The following KIF11 variants were observed in gnomAD, a reference collection of about 807,000 sequenced individuals.
The protein encoded by KIF11 is kinesin-like protein KIF11.
A neutral mutation model predicts 121.0 loss-of-function variants in KIF11; 9 were observed. That is an observed-to-expected ratio of 0.07 (90% confidence interval 0.04 to 0.13). The LOEUF (loss-of-function observed/expected upper bound fraction) is 0.13, where lower values mean the gene tolerates loss of function less well. KIF11 is among the 10% of genes least tolerant of loss of function. The pLI, the probability that KIF11 is intolerant of heterozygous loss-of-function variation, is 1.00. For missense variants in KIF11, 846 were observed against 1,217.5 expected (o/e 0.69, Z 4.54); for synonymous variants, 408 against 421.0 (o/e 0.97, Z 0.38).
At chr10:92,620,723 C>T (rs887073722) in intron 9 of KIF11, among the ~76,000 whole-genome samples, 2 of 152,150 alleles carry the variant, frequency 1.3e-5, no homozygotes, top group Non-Finnish European at 2.9e-5. Context: ...TCACATCTTA[C>T]GTGGGTGGCA....
At chr10:92,631,516 C>T (rs576811167) in intron 12 of KIF11, among the ~76,000 whole-genome samples, 19 of 150,172 alleles carry the variant, frequency 1.3e-4, no homozygotes, top group African/African-American at 3.9e-4. Context: ...CGCCCGCCAC[C>T]GCGCCCGGCT....
At chr10:92,637,607 T>C in intron 16 of KIF11, 62 bp downstream of exon 16, 1 of 1,474,030 alleles carries the variant, frequency 6.8e-7, no homozygotes, top group African/African-American at 1.4e-5. Context: ...TTGATATGAC[T>C]TGATAATTAA....
chr10:92,651,507 GTTTTTTTT>G (rs1175303233), intron 21 of KIF11, among the ~76,000 whole-genome samples: 1,187 of 52,954 alleles, frequency 0.022, 78 homozygotes, highest in Non-Finnish European at 0.039. Context: ...GGCTAATTTT[GTTTTTTTT>G]TTTTTTTTTT....
intron 4 of KIF11, among the ~76,000 whole-genome samples, chr10:92,607,570 G>A (rs762595899): frequency 3.3e-5 from 5 of 152,078 alleles, no homozygotes; most frequent in African/African-American, 7.2e-5. Flanking sequence ...TGAAGGAATG[G>A]GTCTCAGAAA....
intron 10 of KIF11, among the ~76,000 whole-genome samples, chr10:92,623,069 G>C (rs1054093282): frequency 6.6e-6 from 1 of 152,200 alleles, no homozygotes; most frequent in East Asian, 1.9e-4. Flanking sequence ...TTTCAGTGGG[G>C]ACAGAGAACC....
In KIF11 at chr10:92,628,914, A is replaced by AT. The variant is rs1469901401; in HGVS notation, c.1305+22dup. ...GAATAGGGTAAGCACTTAAAATGAT[A>AT]TTTACTGTTATGTGAAAAGCAAATA... On this transcript the variant is annotated intron_variant, in intron 11 of 21. Coordinates refer to ENST00000260731, the MANE Select transcript of KIF11 (RefSeq NM_004523.4). 5 of 1,248,584 alleles carry AT rather than the reference A, an allele frequency of 4.0e-6. No individual in the cohort carries two copies. In the African/African-American group the frequency reaches 7.5e-5, roughly 19 times the overall value. 77.3% of individuals were successfully genotyped at this position (1,248,584 alleles called of 1,614,324 possible).
At position 92,645,648 on chromosome 10, in the gene KIF11, A is replaced by C; in HGVS notation, c.2547+6A>C. 6.4e-7 allele frequency: 1 copy of C among 1,562,684 alleles called. No homozygotes were observed. The highest frequency in any genetic ancestry group is 8.7e-7 in the Non-Finnish European group (1 of 1,154,594). Reference sequence around the variant, plus strand: ...AACTTCACAACTTATTGGAGGTAATAACTTTGTAAGTGGAACTTACTTTGG... The same window carrying C: ...AACTTCACAACTTATTGGAGGTAATCACTTTGTAAGTGGAACTTACTTTGG... On this transcript the variant is annotated splice_donor_region_variant and intron_variant, in intron 18 of 21. Coordinates refer to ENST00000260731, the MANE Select transcript of KIF11 (RefSeq NM_004523.4).
chr10:92,653,071 A>G (rs190064862), intron 21 of KIF11, among the ~76,000 whole-genome samples: 2 of 152,378 alleles, frequency 1.3e-5, no homozygotes, highest in Admixed American at 6.5e-5. Context: ...ACAATTTTAA[A>G]AAACAAGTAA....
intron 1 of KIF11, among the ~76,000 whole-genome samples, chr10:92,604,738 T>C (rs1192301100): frequency 1.3e-5 from 2 of 152,192 alleles, no homozygotes; most frequent in Non-Finnish European, 1.5e-5. Context: ...CTCCAAAATA[T>C]ATGATACTCA....
rs1844943217 is a variant in KIF11 at position 92,648,311 on chromosome 10, C to A, written c.2647C>A (p.Gln883Lys). The change falls in exon 19 of 22, where the codon CAG becomes AAG. Residue 883 changes from glutamine to lysine, a missense_variant. By Grantham distance (53) the Gln-to-Lys change is moderately conservative. Transcript: ENST00000260731. ...HEKQHNIFLD[Q>K]MTIDEDKLIA... ...GAAACAGCATAACATTTTTCTTGAT[C>A]AGATGACTATTGATGAAGATAAATT... is the stretch of plus-strand genomic sequence containing the variant. The A allele has an allele frequency of 7.4e-6, 12 of 1,611,864 alleles. No homozygotes were observed. Among genetic ancestry groups the A allele is most frequent in the African/African-American group, 1.3e-5 (1 of 74,842 alleles).
At chr10:92,636,354 G>A (rs1299762529) in intron 14 of KIF11, among the ~76,000 whole-genome samples, 2 of 152,082 alleles carry the variant, frequency 1.3e-5, no homozygotes, top group East Asian at 1.9e-4. Context: ...GGCTGGGTGC[G>A]GTGGCTCATC....
chr10:92,620,216 G>A (rs1470776397), intron 9 of KIF11, among the ~76,000 whole-genome samples: 1 of 151,834 alleles, frequency 6.6e-6, no homozygotes, highest in East Asian at 1.9e-4. Flanking sequence ...GAGTAGCTGG[G>A]ACTACAGGCG....
intron 12 of KIF11, among the ~76,000 whole-genome samples, chr10:92,630,910 A>G (rs918344085): frequency 4.0e-5 from 6 of 151,012 alleles, no homozygotes; most frequent in African/African-American, 1.5e-4. Flanking sequence ...ACTTTATAAT[A>G]TATTTTGTAG....
intron 16 of KIF11, among the ~76,000 whole-genome samples, chr10:92,638,227 A>T (rs7085790): frequency 2.0e-5 from 3 of 152,184 alleles, no homozygotes; most frequent in African/African-American, 7.2e-5. Flanking sequence ...ACATTTATTG[A>T]GCAATTCACT....
chr10:92,638,542 AATTGT>A (rs1844831820), intron 16 of KIF11, among the ~76,000 whole-genome samples: 1 of 152,158 alleles, frequency 6.6e-6, no homozygotes, highest in Admixed American at 6.5e-5. Context: ...AAATGCTTAA[AATTGT>A]TAGACAGCTC....
chr10:92,651,518 T>TTTTTTTTTTG (rs1844982180), intron 21 of KIF11, among the ~76,000 whole-genome samples: 1 of 65,184 alleles, frequency 1.5e-5, no homozygotes. Flanking sequence ...TTTTTTTTTT[T>TTTTTTTTTTG]TTTTTTTTTT....
intron 20 of KIF11, 90 bp downstream of exon 20, chr10:92,650,076 C>G: frequency 1.1e-6 from 1 of 940,712 alleles, no homozygotes; most frequent in Non-Finnish European, 1.6e-6. Context: ...CTGTTTACCC[C>G]TCAATCTTAC....
At chr10:92,629,101 C>T (rs1162665611) in intron 11 of KIF11, among the ~76,000 whole-genome samples, 8 of 152,018 alleles carry the variant, frequency 5.3e-5, no homozygotes, top group Non-Finnish European at 1.0e-4. Context: ...CTGCCTCAGC[C>T]TCCCGAGTAG....
At chr10:92,650,369 G>A in intron 20 of KIF11, 32 bp from the exon 21 acceptor site, 2 of 1,275,416 alleles carry the variant, frequency 1.6e-6, no homozygotes, top group Non-Finnish European at 2.3e-6. Flanking sequence ...TAAGCCCTTG[G>A]ACTTAGTCAC....
Sources: allele counts gnomAD v4.1 joint callset (sites outside exome capture counted in the v4.1 genomes callset), GRCh38; gene constraint gnomAD v4.1.1; transcripts MANE v1.5; gene names NCBI Gene and HGNC (gene_info 2026-07-23, HGNC 2026-07-21).